Variants in IPCEF1 observed in about 807,000 individuals in gnomAD.
IPCEF1 encodes the protein interactor protein for cytohesin exchange factors 1.
IPCEF1 carries 31 observed loss-of-function variants against 50.9 expected under a neutral mutation model. That is an observed-to-expected ratio of 0.61 (90% CI 0.46 to 0.82). IPCEF1 has a LOEUF of 0.82. Among genes scored for constraint, IPCEF1 ranks in the 40% least tolerant of loss-of-function variants. IPCEF1 has a pLI of 0.00. For missense variants in IPCEF1, 458 were observed against 514.0 expected (o/e 0.89, Z 1.05); for synonymous variants, 181 against 192.0 (o/e 0.94, Z 0.47).
chr6:154,282,686 C>CAA (rs1195472386), intron 2 of IPCEF1, among the ~76,000 whole-genome samples: 2 of 146,538 alleles, frequency 1.4e-5, no homozygotes, highest in Non-Finnish European at 3.0e-5. Flanking sequence ...GACTCCGTCT[C>CAA]AAAAAAAAAA....
chr6:154,351,461 C>T (rs1784117933), intron 1 of IPCEF1, among the ~76,000 whole-genome samples: 1 of 152,094 alleles, frequency 6.6e-6, no homozygotes, highest in South Asian at 2.1e-4. Context: ...AGGCAGTTTC[C>T]TGGAAAAAAG....
At chr6:154,243,355 A>G (rs1780753907) in intron 5 of IPCEF1, among the ~76,000 whole-genome samples, 1 of 152,196 alleles carries the variant, frequency 6.6e-6, no homozygotes, top group Admixed American at 6.5e-5. Flanking sequence ...GCCGCGTCAC[A>G]CTAAGCACAT....
chr6:154,354,423 C>CACCACCTCCACCATCTCCTCCACA (rs1784172981), intron 1 of IPCEF1, among the ~76,000 whole-genome samples: 9 of 141,384 alleles, frequency 6.4e-5, no homozygotes, highest in East Asian at 6.1e-4. Flanking sequence ...CCACCTCCAC[C>CACCACCTCCACCATCTCCTCCACA]ACCACCTCCA....
intron 2 of IPCEF1, among the ~76,000 whole-genome samples, chr6:154,278,398 T>C (rs2128662358): frequency 6.6e-6 from 1 of 152,190 alleles, no homozygotes; most frequent in East Asian, 1.9e-4. Context: ...AGAATGGGAA[T>C]CCAAGAGACG....
chr6:154,183,217 G>C (rs1252435180), intron 10 of IPCEF1, among the ~76,000 whole-genome samples: 1 of 152,130 alleles, frequency 6.6e-6, no homozygotes, highest in Non-Finnish European at 1.5e-5. Flanking sequence ...CTGACCTCGT[G>C]ATCTGCCCAT....
Position 154,204,080 on chromosome 6 carries a change from AG to A in IPCEF1, c.538-4041del, listed in dbSNP as rs908198104. 8.5e-5 allele frequency among the ~76,000 whole-genome samples: 13 copies of A among 152,334 alleles called. No homozygotes were observed. The East Asian group carries it at 1.3e-3, about 16-fold the overall frequency. ...GTATTAAGTATTTTATATTTAAATGAGGAAGTTAAAGACATTTCAAAAATCT... is the reference window on the plus strand; with the variant it reads ...GTATTAAGTATTTTATATTTAAATGAGAAGTTAAAGACATTTCAAAAATCT... On this transcript the variant is annotated intron_variant, in intron 9 of 11. Coordinates refer to ENST00000367220, the MANE Select transcript of IPCEF1 (RefSeq NM_001130700.2).
Position 154,156,081 on chromosome 6 carries a change from AAT to A in IPCEF1, c.*3745_*3746del, listed in dbSNP as rs1798703075. 1 of 152,212 alleles carries A rather than the reference AAT, an allele frequency of 6.6e-6. No individual in the cohort carries two copies. Among genetic ancestry groups the A allele is most frequent in the Non-Finnish European group, 1.5e-5 (1 of 68,054 alleles). 9.4% of individuals were successfully genotyped at this position (152,212 alleles called of 1,614,324 possible). On this transcript the variant is annotated 3_prime_UTR_variant, in exon 12 of 12. Transcript: ENST00000367220. ...AAAATAAACACTCTCCATTTCTTTA[AAT>A]ATATGTTTTTCATCCAAGGATCACA...
At chr6:154,352,860 T>C (rs6900321) in intron 1 of IPCEF1, among the ~76,000 whole-genome samples, 4,080 of 152,306 alleles carry the variant, frequency 0.027, 160 homozygotes, top group African/African-American at 0.091. Flanking sequence ...GATAAACATA[T>C]GGCAACATTC....
chr6:154,263,931 A>G (rs1339506576), intron 3 of IPCEF1, among the ~76,000 whole-genome samples: 37 of 123,924 alleles, frequency 3.0e-4, no homozygotes, highest in African/African-American at 9.1e-4. Flanking sequence ...GGGACTCCTC[A>G]CTTCCCAGTA....
chr6:154,187,437 G>A (rs1382046365), intron 10 of IPCEF1, among the ~76,000 whole-genome samples: 7 of 152,152 alleles, frequency 4.6e-5, no homozygotes, highest in African/African-American at 1.7e-4. Context: ...CTCATGGCAT[G>A]GTGCTTGGCA....
chr6:154,343,719 G>A (rs1342872145), intron 1 of IPCEF1, among the ~76,000 whole-genome samples: 1 of 152,220 alleles, frequency 6.6e-6, no homozygotes, highest in African/African-American at 2.4e-5. Flanking sequence ...TAGGCAGATA[G>A]AGAGGAAAAG....
intron 1 of IPCEF1, among the ~76,000 whole-genome samples, chr6:154,333,579 CACATATATAT>C (rs1427516706): frequency 5.3e-5 from 8 of 150,930 alleles, no homozygotes; most frequent in African/African-American, 1.5e-4. Context: ...TACACACACA[CACATATATAT>C]ACACATATAT....
chr6:154,328,535 T>C (rs1783578897), intron 1 of IPCEF1, among the ~76,000 whole-genome samples: 1 of 151,542 alleles, frequency 6.6e-6, no homozygotes, highest in Non-Finnish European at 1.5e-5. Flanking sequence ...AGCCCAAGAG[T>C]TCAAGACCAG....
chr6:154,274,337 A>G (rs1255755996), intron 2 of IPCEF1, among the ~76,000 whole-genome samples: 2 of 152,112 alleles, frequency 1.3e-5, no homozygotes, highest in African/African-American at 4.8e-5. Context: ...ATCTGTGGAG[A>G]CTGGCAGGCC....
At chr6:154,333,990 T>C (rs950573983) in intron 1 of IPCEF1, among the ~76,000 whole-genome samples, 16 of 152,130 alleles carry the variant, frequency 1.1e-4, no homozygotes, top group African/African-American at 3.1e-4. Context: ...CACTTCATTA[T>C]AGAGAAAGAC....
At chr6:154,242,502 T>C (rs1233317821) in intron 5 of IPCEF1, among the ~76,000 whole-genome samples, 1 of 152,170 alleles carries the variant, frequency 6.6e-6, no homozygotes, top group Non-Finnish European at 1.5e-5. Context: ...GCTGAAGATA[T>C]ACCCATGATC....
chr6:154,198,856 T>G (rs189695449), intron 10 of IPCEF1, among the ~76,000 whole-genome samples: 26 of 152,300 alleles, frequency 1.7e-4, no homozygotes, highest in African/African-American at 5.5e-4. Context: ...CAACTTTCTC[T>G]CAATGGCACA....
intron 5 of IPCEF1, among the ~76,000 whole-genome samples, chr6:154,226,628 A>C (rs1471316455): frequency 6.6e-6 from 1 of 152,068 alleles, no homozygotes; most frequent in African/African-American, 2.4e-5. Context: ...AAGTCTCCTC[A>C]ACTGTTCTCC....
At chr6:154,214,073 T>G in intron 8 of IPCEF1, 145 bp downstream of exon 8, 1 of 652,430 alleles carries the variant, frequency 1.5e-6, no homozygotes, top group Middle Eastern at 4.2e-4. Flanking sequence ...TATGTCTGTC[T>G]CCACATATTT....
Sources: gnomAD v4.1 joint callset for allele counts (sites outside exome capture counted in the v4.1 genomes callset) on GRCh38, gnomAD v4.1.1 for gene constraint, MANE v1.5 for transcripts, NCBI Gene and HGNC (gene_info 2026-07-23, HGNC 2026-07-21) for gene names.